The following ITFG1 variants were observed in gnomAD, a reference collection of about 807,000 sequenced individuals.
The protein encoded by ITFG1 is T-cell immunomodulatory protein.
Under a neutral mutation model 81.8 loss-of-function variants are expected in ITFG1, and 34 were observed. That is an observed-to-expected ratio of 0.42 (90% CI 0.32 to 0.55). The LOEUF is 0.55. Among genes scored for constraint, ITFG1 ranks in the 20% least tolerant of loss-of-function variants. ITFG1 has a pLI of 0.17. For synonymous variants in ITFG1, 285 were observed against 270.6 expected (o/e 1.05, Z -0.52); for missense variants, 672 against 755.4 (o/e 0.89, Z 1.29).
chr16:47,409,980 GA>G (rs1399820035), intron 6 of ITFG1, among the ~76,000 whole-genome samples: 1 of 152,010 alleles, frequency 6.6e-6, no homozygotes, highest in Admixed American at 6.6e-5. Flanking sequence ...TAAAAGACAA[GA>G]AAAAAACTCA....
intron 6 of ITFG1, among the ~76,000 whole-genome samples, chr16:47,385,864 G>C (rs1240164680): frequency 6.6e-6 from 1 of 152,158 alleles, no homozygotes; most frequent in Non-Finnish European, 1.5e-5. Flanking sequence ...AGGAAAGGCT[G>C]TTAAGCTAGA....
chr16:47,373,182 T>C (rs940151194), intron 7 of ITFG1, among the ~76,000 whole-genome samples: 1 of 152,230 alleles, frequency 6.6e-6, no homozygotes, highest in African/African-American at 2.4e-5. Flanking sequence ...TGGATGTGTC[T>C]TGTGTCTCCT....
At position 47,304,987 on chromosome 16, in the gene ITFG1, C is replaced by A. The variant is rs534489831; in HGVS notation, c.1070+6253G>T. 4.6e-5 allele frequency among the ~76,000 whole-genome samples: 7 copies of A among 152,188 alleles called. No individual in the cohort carries two copies. In the South Asian group the frequency reaches 1.0e-3, roughly 23 times the overall value. On this transcript the variant is annotated intron_variant, in intron 10 of 17. Transcript: ENST00000320640. ...AAGTTAACTGTATATGTTGATGATT[C>A]AACAGCTAAAAAGCTTACTTTACTT...
intron 7 of ITFG1, among the ~76,000 whole-genome samples, chr16:47,369,628 A>G (rs1968223479): frequency 6.6e-6 from 1 of 152,080 alleles, no homozygotes; most frequent in South Asian, 2.1e-4. Flanking sequence ...TATGTTCTTT[A>G]GTATGAGAGT....
chr16:47,329,352 G>A (rs1000690351), intron 8 of ITFG1, among the ~76,000 whole-genome samples: 1 of 152,122 alleles, frequency 6.6e-6, no homozygotes, highest in African/African-American at 2.4e-5. Flanking sequence ...TCCACAAAAT[G>A]AGAAGGCTAG....
chr16:47,163,516 C>T (rs1326477873), intron 14 of ITFG1, among the ~76,000 whole-genome samples: 3 of 152,142 alleles, frequency 2.0e-5, no homozygotes, highest in Non-Finnish European at 4.4e-5. Context: ...GTTATATATA[C>T]ATTTTGTTTC....
At chr16:47,251,806 C>G (rs1043480635) in intron 12 of ITFG1, among the ~76,000 whole-genome samples, 1 of 152,126 alleles carries the variant, frequency 6.6e-6, no homozygotes, top group African/African-American at 2.4e-5. Flanking sequence ...TAAAATAGAA[C>G]AATTGTAACA....
chr16:47,433,417 T>C (rs1310782287), intron 5 of ITFG1, among the ~76,000 whole-genome samples: 2 of 152,232 alleles, frequency 1.3e-5, no homozygotes, highest in Non-Finnish European at 2.9e-5. Flanking sequence ...CAGACAGAGC[T>C]AGCGTCTAAA....
chr16:47,348,390 T>G (rs994633353), intron 8 of ITFG1, among the ~76,000 whole-genome samples: 17 of 152,116 alleles, frequency 1.1e-4, no homozygotes, highest in Non-Finnish European at 2.4e-4. Flanking sequence ...CTGAAAACCA[T>G]GCACAAGAAC....
intron 14 of ITFG1, among the ~76,000 whole-genome samples, chr16:47,173,612 A>G (rs1205878055): frequency 6.6e-6 from 1 of 152,238 alleles, no homozygotes; most frequent in African/African-American, 2.4e-5. Flanking sequence ...ATTTTATAAT[A>G]AATACATTAA....
chr16:47,318,747 A>G (rs1967404262), intron 8 of ITFG1, among the ~76,000 whole-genome samples: 1 of 152,188 alleles, frequency 6.6e-6, no homozygotes, highest in South Asian at 2.1e-4. Context: ...ATTTCATGAA[A>G]AATAACTTTT....
At chr16:47,458,258 C>G (rs924378090) in intron 2 of ITFG1, among the ~76,000 whole-genome samples, 7 of 152,188 alleles carry the variant, frequency 4.6e-5, no homozygotes, top group Non-Finnish European at 1.0e-4. Context: ...CTTAACTCCC[C>G]GAAGTGTACC....
At chr16:47,357,990 G>A (rs1968062960) in intron 8 of ITFG1, among the ~76,000 whole-genome samples, 2 of 152,082 alleles carry the variant, frequency 1.3e-5, no homozygotes, top group Admixed American at 1.3e-4. Flanking sequence ...TTTGCTACAA[G>A]GTAGAAACTC....
At chr16:47,312,929 G>C (rs1028434612) in intron 9 of ITFG1, 3 of 152,154 alleles carry the variant, frequency 2.0e-5, no homozygotes, top group African/African-American at 7.2e-5. Flanking sequence ...ACCAATGATA[G>C]TTACTTGACC....
intron 8 of ITFG1, among the ~76,000 whole-genome samples, chr16:47,351,311 C>T (rs1967951168): frequency 6.6e-6 from 1 of 152,052 alleles, no homozygotes; most frequent in Non-Finnish European, 1.5e-5. Context: ...TCTAGAAAAC[C>T]CCATCGTCTC....
chr16:47,271,146 TG>T (rs1162936238), intron 10 of ITFG1, among the ~76,000 whole-genome samples: 14 of 152,322 alleles, frequency 9.2e-5, no homozygotes, highest in African/African-American at 3.4e-4. Context: ...TCATCAAGTT[TG>T]TGCTTCAAAT....
chr16:47,301,056 A>C (rs1328357175), intron 10 of ITFG1, among the ~76,000 whole-genome samples: 1 of 152,224 alleles, frequency 6.6e-6, no homozygotes, highest in African/African-American at 2.4e-5. Context: ...ATTTTTAAAA[A>C]GTATTGAAAC....
chr16:47,438,887 G>A (rs1193017272), intron 5 of ITFG1, among the ~76,000 whole-genome samples: 1 of 151,968 alleles, frequency 6.6e-6, no homozygotes, highest in Non-Finnish European at 1.5e-5. Flanking sequence ...AAACTACTCC[G>A]AGCTAAATGA....
chr16:47,437,259 G>T (rs1460641974), intron 5 of ITFG1, among the ~76,000 whole-genome samples: 2 of 151,964 alleles, frequency 1.3e-5, no homozygotes, highest in East Asian at 3.9e-4. Context: ...TGAGCCTAGG[G>T]GTTCAAGACC....
Sources: allele counts gnomAD v4.1 joint callset (sites outside exome capture counted in the v4.1 genomes callset), GRCh38; gene constraint gnomAD v4.1.1; transcripts MANE v1.5; gene names NCBI Gene and HGNC (gene_info 2026-07-23, HGNC 2026-07-21).